Variants in TMEM184B observed in about 807,000 individuals in gnomAD.
TMEM184B encodes the protein putative MAPK-activating protein FM08.
A neutral mutation model predicts 41.8 loss-of-function variants in TMEM184B; 17 were observed. The observed-to-expected ratio is 0.41, with a 90% CI of 0.28 to 0.61. The LOEUF is 0.61. Ranked by LOEUF, TMEM184B falls within the 20% of genes least tolerant of loss-of-function variation. The pLI is 0.34. For missense variants in TMEM184B, 393 were observed against 557.8 expected (o/e 0.70, Z 2.98); for synonymous variants, 240 against 229.5 (o/e 1.05, Z -0.41).
At position 38,221,713 on chromosome 22, in the gene TMEM184B, G is replaced by A. The variant is rs770061162; in HGVS notation, c.983-3C>T. The A allele has an allele frequency of 2.5e-5, 41 of 1,613,348 alleles. No homozygotes were observed. Among genetic ancestry groups the A allele is most frequent in the Non-Finnish European group, 3.2e-5 (38 of 1,179,836 alleles). ...GCTCTTCATGGGGGCACAGCGGCCT[G>A]CCGGGCAGGGAGCGGGAGGGGCAGG... On this transcript the variant is annotated splice_polypyrimidine_tract_variant and splice_region_variant and intron_variant, in intron 8 of 8. Coordinates refer to ENST00000361906, the MANE Select transcript of TMEM184B (RefSeq NM_012264.5).
At chr22:38,218,732 G>A (rs1360619052), downstream of TMEM184B, among the ~76,000 whole-genome samples, 1 of 152,246 alleles carries the variant, frequency 6.6e-6, no homozygotes, top group Non-Finnish European at 1.5e-5. Context: ...GAAGCTGCGG[G>A]AGGACGCAGG....
intron 1 of TMEM184B, among the ~76,000 whole-genome samples, chr22:38,259,966 C>T (rs1352842167): frequency 9.2e-6 from 1 of 108,654 alleles, no homozygotes; most frequent in Non-Finnish European, 1.8e-5. Flanking sequence ...TTTTGTGAGA[C>T]GGAGTCTCAC....
intron 1 of TMEM184B, among the ~76,000 whole-genome samples, chr22:38,270,634 G>A (rs932213738): frequency 6.6e-6 from 1 of 152,298 alleles, no homozygotes; most frequent in African/African-American, 2.4e-5. Context: ...TGCAGGGCCT[G>A]GTGCAGACCC....
At chr22:38,262,408 C>G (rs765719997) in intron 1 of TMEM184B, among the ~76,000 whole-genome samples, 1 of 152,164 alleles carries the variant, frequency 6.6e-6, no homozygotes, top group African/African-American at 2.4e-5. Flanking sequence ...GACCTGGGCA[C>G]GTGGAGACTG....
Position 38,220,502 on chromosome 22 carries a change from C to T in TMEM184B, c.*967G>A. On this transcript the variant is annotated 3_prime_UTR_variant, in exon 9 of 9. Transcript: ENST00000361906. ...CTCCCAGCTCCCCACTGTGTGGCCA[C>T]CCCTCCCGGTCTCCCTGCCGGACTG... 1.0e-6 allele frequency: 1 copy of T among 985,918 alleles called. No individual in the cohort carries two copies. Among genetic ancestry groups the T allele is most frequent in the Non-Finnish European group, 1.2e-6 (1 of 830,036 alleles). The allele number at this position is 985,918 out of a possible 1,614,324, so 61.1% of individuals were successfully genotyped here. A position where few individuals can be genotyped will look rare whatever the true frequency, so the allele number is the denominator to read the frequency against.
rs2091235840 is a variant in TMEM184B at position 38,220,760 on chromosome 22, G to A, written c.*709C>T. On this transcript the variant is annotated 3_prime_UTR_variant, in exon 9 of 9. Transcript: ENST00000361906. ...GTCCTTGGTAGGCCAGGGGGAAGGG[G>A]CATGAGGCAGGCAGAGGTGTGGCCA... 1 of 986,344 alleles carries A rather than the reference G, an allele frequency of 1.0e-6. No homozygotes were observed. Among genetic ancestry groups the A allele is most frequent in the Non-Finnish European group, 1.2e-6 (1 of 830,288 alleles). The allele number at this position is 986,344 out of a possible 1,614,324, so 61.1% of individuals were successfully genotyped here.
chr22:38,254,255 C>T (rs1319254274), intron 1 of TMEM184B, among the ~76,000 whole-genome samples: 1 of 149,718 alleles, frequency 6.7e-6, no homozygotes, highest in African/African-American at 2.5e-5. Flanking sequence ...AACAATCCCA[C>T]TTGAAAATAG....
intron 8 of TMEM184B, 62 bp from the exon 9 acceptor site, chr22:38,221,772 C>T: frequency 6.3e-7 from 1 of 1,585,778 alleles, no homozygotes. Context: ...GGAGGTGGCT[C>T]AGCCCCTGCC....
chr22:38,222,634 G>A (rs2091292397), intron 8 of TMEM184B: 1 of 985,356 alleles, frequency 1.0e-6, no homozygotes, highest in African/African-American at 1.7e-5. Flanking sequence ...ACCAAGAGCG[G>A]GACCTACCGT....
intron 1 of TMEM184B, among the ~76,000 whole-genome samples, chr22:38,265,823 G>A (rs960084820): frequency 1.3e-5 from 2 of 152,234 alleles, no homozygotes; most frequent in Admixed American, 1.3e-4. Flanking sequence ...GGCGCTAGAG[G>A]TGGGGACCAG....
chr22:38,226,630 C>A lies in TMEM184B; in HGVS notation c.617+149G>T, dbSNP rs750444629. ...GGGCCAACTGCAAGGGTGTCCACTGCTGGGCTCAGACTTCAGGGGGGTTGT... is the reference window on the plus strand; with the variant it reads ...GGGCCAACTGCAAGGGTGTCCACTGATGGGCTCAGACTTCAGGGGGGTTGT... On this transcript the variant is annotated intron_variant, in intron 6 of 8. Coordinates refer to ENST00000361906, the MANE Select transcript of TMEM184B (RefSeq NM_012264.5). This position sits in a 1 kb window ranked among gnomAD's most constrained non-coding sequence, Gnocchi z 4.6. The A allele has an allele frequency of 1.7e-4, 130 of 754,486 alleles. No homozygotes were observed. The highest frequency in any genetic ancestry group is 2.2e-4 in the Non-Finnish European group (100 of 464,992). 46.7% of individuals were successfully genotyped at this position (754,486 alleles called of 1,614,324 possible).
At position 38,219,995 on chromosome 22, in the gene TMEM184B, AAAAG is replaced by A. The variant is rs1188609187; in HGVS notation, c.*1470_*1473del. 1 of 985,382 alleles carries A rather than the reference AAAAG, an allele frequency of 1.0e-6. No individual in the cohort carries two copies. The highest frequency in any genetic ancestry group is 1.7e-5 in the African/African-American group (1 of 57,238). The allele number at this position is 985,382 out of a possible 1,614,324, so 61.0% of individuals were successfully genotyped here. On this transcript the variant is annotated 3_prime_UTR_variant, in exon 9 of 9. Coordinates refer to ENST00000361906, the MANE Select transcript of TMEM184B (RefSeq NM_012264.5). ...GAACCTGTTCATTCCAGGAAGGACCAAAAGAAAGAATCCCCAGTGAACACCGGCA... is the reference window on the plus strand; with the variant it reads ...GAACCTGTTCATTCCAGGAAGGACCAAAAGAATCCCCAGTGAACACCGGCA...
intron 1 of TMEM184B, among the ~76,000 whole-genome samples, chr22:38,262,899 A>C (rs1426922369): frequency 1.3e-5 from 2 of 152,016 alleles, no homozygotes; most frequent in Non-Finnish European, 2.9e-5. Flanking sequence ...TTATGTTTTT[A>C]ATTTATTTTA....
chr22:38,221,243 G>A lies in TMEM184B; in HGVS notation c.*226C>T, dbSNP rs886310629. 2.3e-5 allele frequency: 32 copies of A among 1,400,374 alleles called. No individual in the cohort carries two copies. The highest frequency in any genetic ancestry group is 1.0e-4 in the African/African-American group (7 of 68,776). The allele number at this position is 1,400,374 out of a possible 1,614,324, so 86.7% of individuals were successfully genotyped here. A position where few individuals can be genotyped will look rare whatever the true frequency, so the allele number is the denominator to read the frequency against. ...CTTGCTCCCAGTGTCCTCTGCCCTC[G>A]CCCGGGCAGTGCAGGCTGGGCCATG... On this transcript the variant is annotated 3_prime_UTR_variant, in exon 9 of 9. Transcript: ENST00000361906.
chr22:38,219,340 T>C lies in TMEM184B; in HGVS notation c.*2129A>G, dbSNP rs1231565952. The C allele has an allele frequency of 3.0e-6, 3 of 985,724 alleles. No individual in the cohort carries two copies. The Admixed American group carries it at 1.8e-4, about 61-fold the overall frequency. 61.1% of individuals were successfully genotyped at this position (985,724 alleles called of 1,614,324 possible). A position where few individuals can be genotyped will look rare whatever the true frequency, so the allele number is the denominator to read the frequency against. On this transcript the variant is annotated 3_prime_UTR_variant, in exon 9 of 9. Transcript: ENST00000361906. ...TCTCATATATAGATTTCTTCCTCAC[T>C]TTATTTGCTCACTTCTGTCACGCAT... is the stretch of plus-strand genomic sequence containing the variant.
intron 3 of TMEM184B, among the ~76,000 whole-genome samples, chr22:38,242,542 C>A (rs1202526112): frequency 2.6e-5 from 4 of 152,186 alleles, no homozygotes; most frequent in African/African-American, 9.7e-5. Context: ...TCAGGAAGGG[C>A]TGGCTGGATC....
At chr22:38,248,398 C>G (rs2092087873) in intron 1 of TMEM184B, among the ~76,000 whole-genome samples, 1 of 152,246 alleles carries the variant, frequency 6.6e-6, no homozygotes, top group Non-Finnish European at 1.5e-5. Context: ...CACTTCCATC[C>G]TCAGCTGCAG....
intron 8 of TMEM184B, chr22:38,222,487 G>T: frequency 1.9e-6 from 1 of 519,170 alleles, no homozygotes; most frequent in Non-Finnish European, 2.5e-6. Flanking sequence ...CTCTACAGAG[G>T]GTGGCCCTTG....
chr22:38,251,623 T>C (rs1331710185), intron 1 of TMEM184B, among the ~76,000 whole-genome samples: 1 of 151,972 alleles, frequency 6.6e-6, no homozygotes, highest in Non-Finnish European at 1.5e-5. Context: ...TGGGGCAGGG[T>C]GGGCACTGGA....
Sources: gnomAD v4.1 joint callset for allele counts (sites outside exome capture counted in the v4.1 genomes callset) on GRCh38, gnomAD v4.1.1 for gene constraint, Gnocchi (gnomAD v3.1) non-coding constraint, MANE v1.5 for transcripts, NCBI Gene and HGNC (gene_info 2026-07-23, HGNC 2026-07-21) for gene names.